The following SLC4A4 variants were observed in gnomAD, a reference collection of about 807,000 sequenced individuals.
The protein encoded by SLC4A4 is electrogenic sodium bicarbonate cotransporter 1.
In SLC4A4, 27 loss-of-function variants were observed where a neutral mutation model predicts 111.5. The observed-to-expected ratio is 0.24, with a 90% CI of 0.18 to 0.33. The LOEUF (loss-of-function observed/expected upper bound fraction) is 0.33, where lower values mean the gene tolerates loss of function less well. Ranked by LOEUF, SLC4A4 falls within the 10% of genes least tolerant of loss-of-function variation. The pLI, the probability that SLC4A4 is intolerant of heterozygous loss-of-function variation, is 1.00. For missense variants in SLC4A4, 909 were observed against 1,315.5 expected (o/e 0.69, Z 4.78); for synonymous variants, 443 against 463.4 (o/e 0.96, Z 0.57).
rs1163742609 is a variant in SLC4A4 at position 71,424,079 on chromosome 4, C to T, written c.808-16537C>T. 5.3e-5 allele frequency among the ~76,000 whole-genome samples: 8 copies of T among 152,150 alleles called. No individual in the cohort carries two copies. In the East Asian group the frequency reaches 5.8e-4, roughly 11 times the overall value. ...AACCCACAAAATGGGGGAAAATTTT[C>T]GCAACCTACTCTTCTGACAAAGGGC... On this transcript the variant is annotated intron_variant, in intron 7 of 25. Transcript: ENST00000264485.
intron 1 of SLC4A4, among the ~76,000 whole-genome samples, chr4:71,232,938 ACT>A (rs1719540758): frequency 6.6e-6 from 1 of 152,136 alleles, no homozygotes; most frequent in African/African-American, 2.4e-5. Context: ...GAGCTAAACC[ACT>A]CTTTTTTCTA....
intron 3 of SLC4A4, among the ~76,000 whole-genome samples, chr4:71,300,070 T>A (rs1725106108): frequency 6.6e-6 from 1 of 152,116 alleles, no homozygotes; most frequent in Non-Finnish European, 1.5e-5. Context: ...ATTTTTCATG[T>A]CTCCTAGGGC....
chr4:71,398,884 T>C (rs1191594981), intron 7 of SLC4A4, among the ~76,000 whole-genome samples: 1 of 152,182 alleles, frequency 6.6e-6, no homozygotes, highest in Non-Finnish European at 1.5e-5. Context: ...TCTGGTTGGC[T>C]CCATGCTTGA....
chr4:71,076,533 A>T (rs1304761743), intron 1 of SLC4A4, among the ~76,000 whole-genome samples: 1 of 143,752 alleles, frequency 7.0e-6, no homozygotes, highest in East Asian at 2.0e-4. Flanking sequence ...CTCTGTCTTT[A>T]AAAAAAAAAA....
At chr4:71,542,934 T>G (rs566226392) in intron 18 of SLC4A4, among the ~76,000 whole-genome samples, 10 of 152,106 alleles carry the variant, frequency 6.6e-5, no homozygotes, top group Non-Finnish European at 1.3e-4. Flanking sequence ...ATAGTATCCA[T>G]TCTGTGGTAC....
At chr4:71,212,574 A>G (rs1718197055) in intron 1 of SLC4A4, among the ~76,000 whole-genome samples, 1 of 152,224 alleles carries the variant, frequency 6.6e-6, no homozygotes, top group Non-Finnish European at 1.5e-5. Flanking sequence ...ATGGGGTTGG[A>G]GAACCATGGG....
chr4:71,314,782 G>A (rs1726542891), intron 3 of SLC4A4, among the ~76,000 whole-genome samples: 1 of 152,078 alleles, frequency 6.6e-6, no homozygotes, highest in South Asian at 2.1e-4. Context: ...TGGGGTGCAA[G>A]GGGAGGGAGA....
At chr4:71,486,341 G>T (rs999554648) in intron 14 of SLC4A4, among the ~76,000 whole-genome samples, 1 of 151,258 alleles carries the variant, frequency 6.6e-6, no homozygotes, top group Admixed American at 6.6e-5. Flanking sequence ...AATAAATTAG[G>T]TTCTTCTTCA....
chr4:71,268,084 T>TTTTG (rs1722431536), intron 3 of SLC4A4, among the ~76,000 whole-genome samples: 2 of 147,218 alleles, frequency 1.4e-5, no homozygotes, highest in African/African-American at 2.5e-5. Flanking sequence ...TGTTTTTTTT[T>TTTTG]TTTTTTTTTT....
Position 71,450,506 on chromosome 4 carries a change from A to G in SLC4A4, c.1171A>G (p.Ile391Val). Residue 391 changes from isoleucine to valine, a missense_variant, in exon 10 of 26, where the codon ATA becomes GTA. Ile to Val is a conservative substitution (Grantham distance 29). This residue lies in a region of SLC4A4 where 312 missense variants were observed against 402.0 expected (regional missense o/e 0.78). Coordinates refer to ENST00000264485, the MANE Select transcript of SLC4A4 (RefSeq NM_001098484.3). ...PPGEWDPAIR[I>V]EPPKSLPSSD... is the part of the protein sequence containing the mutation. The stretch of plus-strand genomic sequence containing the variant: ...TGGGGAATGGGATCCAGCAATTAGG[A>G]TAGAGCCTCCTAAGAGTCTTCCATC... 6.2e-7 allele frequency: 1 copy of G among 1,613,780 alleles called. No individual in the cohort carries two copies.
chr4:71,265,149 G>C (rs576731846), intron 3 of SLC4A4, among the ~76,000 whole-genome samples: 2 of 152,218 alleles, frequency 1.3e-5, no homozygotes, highest in South Asian at 2.1e-4. Context: ...TAATACAATA[G>C]GATAAATTTG....
chr4:71,071,701 C>T (rs1741669183), intron 1 of SLC4A4, among the ~76,000 whole-genome samples: 1 of 152,104 alleles, frequency 6.6e-6, no homozygotes, highest in African/African-American at 2.4e-5. Flanking sequence ...TTCCCTATTT[C>T]TTCATTTATT....
intron 3 of SLC4A4, among the ~76,000 whole-genome samples, chr4:71,265,797 C>G (rs1475229828): frequency 6.6e-6 from 1 of 152,110 alleles, no homozygotes; most frequent in African/African-American, 2.4e-5. Flanking sequence ...TTAGACTCAT[C>G]TCTACCAGAT....
At position 71,571,195 on chromosome 4, in the gene SLC4A4, A is replaced by G. The variant is rs1438066647; in HGVS notation, c.*3444A>G. The G allele has an allele frequency of 6.6e-6, 1 of 152,326 alleles. No homozygotes were observed. The highest frequency in any genetic ancestry group is 1.5e-5 in the Non-Finnish European group (1 of 67,890). 9.4% of individuals were successfully genotyped at this position (152,326 alleles called of 1,614,324 possible). On this transcript the variant is annotated 3_prime_UTR_variant, in exon 26 of 26. Transcript: ENST00000264485. ...TGACTGCTGACTATATTTTAAAAAC[A>G]AAATGAAATAATTTGAGTTGTATTA...
At chr4:71,273,417 C>T (rs762996958) in intron 3 of SLC4A4, among the ~76,000 whole-genome samples, 5 of 152,124 alleles carry the variant, frequency 3.3e-5, no homozygotes, top group Non-Finnish European at 5.9e-5. Context: ...AGACCATTCC[C>T]GACCACCCTA....
intron 2 of SLC4A4, among the ~76,000 whole-genome samples, chr4:71,151,033 C>A (rs944916356): frequency 2.6e-5 from 4 of 152,168 alleles, no homozygotes; most frequent in Non-Finnish European, 5.9e-5. Flanking sequence ...TAGCCACTAG[C>A]CCCATGTGGC....
At chr4:71,293,865 C>T (rs997538479) in intron 3 of SLC4A4, among the ~76,000 whole-genome samples, 4 of 152,158 alleles carry the variant, frequency 2.6e-5, no homozygotes, top group Non-Finnish European at 5.9e-5. Context: ...TTAGTCTGAG[C>T]GCTCATGTTG....
intron 6 of SLC4A4, among the ~76,000 whole-genome samples, chr4:71,377,940 C>T (rs183982509): frequency 1.3e-4 from 20 of 152,078 alleles, no homozygotes; most frequent in Admixed American, 5.2e-4. Context: ...AGAATCATGG[C>T]GGGAGGTGAA....
chr4:71,561,069 T>C (rs1428200187), intron 23 of SLC4A4, among the ~76,000 whole-genome samples: 1 of 151,756 alleles, frequency 6.6e-6, no homozygotes, highest in Non-Finnish European at 1.5e-5. Context: ...ATGTTTTCCA[T>C]TTGAAAATTT....
Sources: allele counts gnomAD v4.1 joint callset (sites outside exome capture counted in the v4.1 genomes callset), GRCh38; gene constraint gnomAD v4.1.1; regional missense constraint gnomAD v4.1.1; transcripts MANE v1.5; gene names NCBI Gene and HGNC (gene_info 2026-07-23, HGNC 2026-07-21).